FBXW11: variants seen among roughly 807,000 people sequenced by gnomAD.
FBXW11 encodes F-box/WD repeat-containing protein 11.
FBXW11 carries 19 observed loss-of-function variants against 77.6 expected under a neutral mutation model. The ratio of observed to expected loss-of-function variants is 0.24; its 90% CI spans 0.17 to 0.36. The LOEUF (loss-of-function observed/expected upper bound fraction) is 0.36. Among genes scored for constraint, FBXW11 ranks in the 10% least tolerant of loss-of-function variants. FBXW11 has a pLI of 1.00. For synonymous variants in FBXW11, 235 were observed against 249.4 expected, an observed-to-expected ratio of 0.94 and a Z score of 0.54; for missense variants, 334 against 704.2, an observed-to-expected ratio of 0.47 and a Z score of 5.95.
chr5:171,936,077 C>CTAGAG (rs934422135), intron 2 of FBXW11, among the ~76,000 whole-genome samples: 7 of 138,922 alleles, frequency 5.0e-5, no homozygotes, highest in Non-Finnish European at 1.1e-4. Context: ...TGCCACTGCA[C>CTAGAG]TCTAGCCTGG....
At chr5:171,951,169 C>T (rs1001754310) in intron 2 of FBXW11, among the ~76,000 whole-genome samples, 1 of 150,542 alleles carries the variant, frequency 6.6e-6, no homozygotes, top group Admixed American at 6.7e-5. Context: ...GCAATGAAAT[C>T]ACTGAAGTTC....
chr5:171,943,345 T>C (rs1396695673), intron 2 of FBXW11, among the ~76,000 whole-genome samples: 1 of 152,202 alleles, frequency 6.6e-6, no homozygotes, highest in African/African-American at 2.4e-5. Flanking sequence ...AAGTGAATGA[T>C]CTGAATTTTG....
intron 1 of FBXW11, among the ~76,000 whole-genome samples, chr5:172,002,413 A>AGT (rs1766460196): frequency 7.6e-6 from 1 of 131,888 alleles, no homozygotes; most frequent in Non-Finnish European, 1.6e-5. Context: ...ATTTTATATA[A>AGT]ATGTGTGTGT....
At chr5:171,926,715 T>C (rs1039717320) in intron 2 of FBXW11, among the ~76,000 whole-genome samples, 1 of 152,202 alleles carries the variant, frequency 6.6e-6, no homozygotes, top group East Asian at 1.9e-4. Context: ...TCCTTATCAA[T>C]TACCCAATCT....
Position 171,905,764 on chromosome 5 carries a change from G to A in FBXW11, c.436+4808C>T, listed in dbSNP as rs148703704. ...TCAGGACAAAGAGGTTACTGAATAA[G>A]GTGGTCCATTTGCCTGGGCTAAAAA... is the stretch of plus-strand genomic sequence containing the variant. On this transcript the variant is annotated intron_variant, in intron 4 of 13. Coordinates refer to ENST00000517395, the MANE Select transcript of FBXW11 (RefSeq NM_001378974.1). Among the ~76,000 whole-genome samples the A allele has an allele frequency of 6.6e-5, 10 of 152,280 alleles. No individual in the cohort carries two copies. In the East Asian group the frequency reaches 1.9e-3, roughly 29 times the overall value.
chr5:171,947,639 T>C (rs957200323), intron 2 of FBXW11, among the ~76,000 whole-genome samples: 8 of 152,204 alleles, frequency 5.3e-5, no homozygotes, highest in Admixed American at 2.0e-4. Context: ...TAAAGTTTAA[T>C]GACCTTAATG....
intron 2 of FBXW11, among the ~76,000 whole-genome samples, chr5:171,956,143 T>C (rs1763597551): frequency 6.6e-6 from 1 of 152,166 alleles, no homozygotes; most frequent in South Asian, 2.1e-4. Context: ...TAACATTCCT[T>C]TTAATCCAGA....
intron 3 of FBXW11, among the ~76,000 whole-genome samples, chr5:171,912,931 T>C (rs1760975242): frequency 6.6e-6 from 1 of 151,948 alleles, no homozygotes. Flanking sequence ...AGTAATATTT[T>C]TATAGCAACA....
intron 2 of FBXW11, among the ~76,000 whole-genome samples, chr5:171,937,395 A>G (rs1487431050): frequency 6.6e-6 from 1 of 152,194 alleles, no homozygotes; most frequent in Non-Finnish European, 1.5e-5. Context: ...CTTTTTCTGT[A>G]AAGGGTCAGA....
At chr5:171,892,988 C>A (rs1759456656) in intron 6 of FBXW11, among the ~76,000 whole-genome samples, 1 of 152,174 alleles carries the variant, frequency 6.6e-6, no homozygotes, top group Non-Finnish European at 1.5e-5. Context: ...TAAAATGTTA[C>A]AATTTACTGA....
intron 6 of FBXW11, among the ~76,000 whole-genome samples, chr5:171,896,845 T>C (rs1298057189): frequency 6.6e-6 from 1 of 152,184 alleles, no homozygotes; most frequent in African/African-American, 2.4e-5. Flanking sequence ...GAGGATTTCA[T>C]ACCAGTCATA....
At chr5:171,991,724 CA>C (rs1251594787) in intron 1 of FBXW11, among the ~76,000 whole-genome samples, 3 of 152,156 alleles carry the variant, frequency 2.0e-5, no homozygotes, top group African/African-American at 7.2e-5. Context: ...AAAAATTAAG[CA>C]AACTATTACA....
intron 7 of FBXW11, among the ~76,000 whole-genome samples, chr5:171,878,420 A>G (rs935639057): frequency 6.6e-6 from 1 of 152,200 alleles, no homozygotes; most frequent in Non-Finnish European, 1.5e-5. Flanking sequence ...CTGTGAAAAG[A>G]ATTCGCTCAC....
At chr5:172,005,369 TC>T (rs1171698041) in intron 1 of FBXW11, among the ~76,000 whole-genome samples, 1 of 152,218 alleles carries the variant, frequency 6.6e-6, no homozygotes, top group Non-Finnish European at 1.5e-5. Flanking sequence ...GATGCAGACT[TC>T]CTCTTCCCAG....
chr5:171,955,283 T>C lies in FBXW11; in HGVS notation c.147+2314A>G, dbSNP rs577904084. 2.0e-5 allele frequency among the ~76,000 whole-genome samples: 3 copies of C among 152,276 alleles called. No homozygotes were observed. The South Asian group carries it at 6.2e-4, about 32-fold the overall frequency. On this transcript the variant is annotated intron_variant, in intron 2 of 13. Transcript: ENST00000517395. ...AAGTTGCAATTATCAGTGGGTCCACTCTGACAATTTTAAGGGGGACTCTTT... is the reference window on the plus strand; with the variant it reads ...AAGTTGCAATTATCAGTGGGTCCACCCTGACAATTTTAAGGGGGACTCTTT...
At chr5:171,930,741 A>T (rs1459241404) in intron 2 of FBXW11, among the ~76,000 whole-genome samples, 2 of 96,170 alleles carry the variant, frequency 2.1e-5, no homozygotes, top group African/African-American at 8.5e-5. Flanking sequence ...AATAAAAAAT[A>T]AAAAATAAAA....
rs560120309 is a variant in FBXW11, at chr5:171,871,944, T to C, written c.1340+928A>G. Among the ~76,000 whole-genome samples the C allele has an allele frequency of 7.0e-4, 107 of 152,368 alleles. 1 individual carries two copies. The highest frequency in any genetic ancestry group is 1.3e-3 in the Non-Finnish European group (86 of 68,038). On this transcript the variant is annotated intron_variant, in intron 10 of 13. Transcript: ENST00000517395. Reference sequence around the variant, plus strand: ...CAATTCCAATGAGGAAGTTAAGAACTGTTTATTGATGAAACATTAAGCAAT... The same window carrying C: ...CAATTCCAATGAGGAAGTTAAGAACCGTTTATTGATGAAACATTAAGCAAT...
intron 2 of FBXW11, among the ~76,000 whole-genome samples, chr5:171,950,659 G>A (rs1403981697): frequency 1.3e-5 from 2 of 152,176 alleles, no homozygotes; most frequent in African/African-American, 2.4e-5. Flanking sequence ...GCTGAGGCGG[G>A]CAGACCACCT....
chr5:171,923,983 T>G (rs1761749328), intron 2 of FBXW11, among the ~76,000 whole-genome samples: 1 of 125,068 alleles, frequency 8.0e-6, no homozygotes, highest in Admixed American at 1.1e-4. Context: ...TGGAGTGCTG[T>G]GGCACGATCT....
Sources: gnomAD v4.1 joint callset for allele counts (sites outside exome capture counted in the v4.1 genomes callset) on GRCh38, gnomAD v4.1.1 for gene constraint, MANE v1.5 for transcripts, NCBI Gene and HGNC (gene_info 2026-07-23, HGNC 2026-07-21) for gene names.